Variants in FBXO11 observed in about 807,000 individuals in gnomAD.
The protein encoded by FBXO11 is F-box protein 11.
FBXO11 carries 13 observed loss-of-function variants against 117.0 expected under a neutral mutation model. The ratio of observed to expected loss-of-function variants is 0.11; its 90% confidence interval spans 0.07 to 0.18. The LOEUF is 0.18. Among genes scored for constraint, FBXO11 ranks in the 10% least tolerant of loss-of-function variants. The pLI, the probability that FBXO11 is intolerant of heterozygous loss-of-function variation, is 1.00. For missense variants in FBXO11, 767 were observed against 1,164.4 expected, an observed-to-expected ratio of 0.66 and a Z score of 4.97; for synonymous variants, 490 against 380.5, an observed-to-expected ratio of 1.29 and a Z score of -3.35.
Position 47,857,457 on chromosome 2 carries a change from T to C in FBXO11, c.233-17688A>G, listed in dbSNP as rs548349326. On this transcript the variant is annotated intron_variant, in intron 1 of 22. Transcript: ENST00000403359. ...GGTCTCATACAGACATACATATAGCTATACTATATATGCAACCAGATCATG... is the reference window on the plus strand; with the variant it reads ...GGTCTCATACAGACATACATATAGCCATACTATATATGCAACCAGATCATG... 2.0e-5 allele frequency among the ~76,000 whole-genome samples: 3 copies of C among 152,232 alleles called. No individual in the cohort carries two copies. The East Asian group carries it at 5.8e-4, about 29-fold the overall frequency.
intron 4 of FBXO11, among the ~76,000 whole-genome samples, chr2:47,838,291 C>G (rs575456188): frequency 6.6e-6 from 1 of 152,198 alleles, no homozygotes; most frequent in Admixed American, 6.5e-5. Flanking sequence ...TATCACAACT[C>G]TCCAAGTACA....
At chr2:47,848,149 A>C (rs1365271323) in intron 1 of FBXO11, among the ~76,000 whole-genome samples, 2 of 150,992 alleles carry the variant, frequency 1.3e-5, no homozygotes, top group Admixed American at 6.6e-5. Context: ...CAAACAAAAA[A>C]ACAACCAAAC....
intron 1 of FBXO11, among the ~76,000 whole-genome samples, chr2:47,874,709 A>G (rs1386232176): frequency 6.6e-6 from 1 of 151,924 alleles, no homozygotes; most frequent in Non-Finnish European, 1.5e-5. Context: ...TAATTTTTCT[A>G]TTTTTAGTAG....
At chr2:47,903,497 A>C (rs1678455885) in intron 1 of FBXO11, among the ~76,000 whole-genome samples, 1 of 152,216 alleles carries the variant, frequency 6.6e-6, no homozygotes, top group African/African-American at 2.4e-5. Flanking sequence ...ACCTTACCTC[A>C]CATAGAAATG....
In FBXO11 at chr2:47,832,805, T is replaced by C. The variant is rs144224179; in HGVS notation, c.1117A>G (p.Ile373Val). 2.4e-5 allele frequency: 38 copies of C among 1,613,740 alleles called. No homozygotes were observed. Among genetic ancestry groups the C allele is most frequent in the African/African-American group, 4.0e-5 (3 of 74,934 alleles). Residue 373 changes from isoleucine (I) to valine (V), a missense_variant, in exon 9 of 23, where the codon ATT becomes GTT. Ile to Val is a conservative substitution (Grantham distance 29). Transcript: ENST00000403359. ...CTTCGGATGATACAGTGATCAATAA[T>C]AGGGCTACAATTTACTGTAATCTCT... ...CLEITVNCSP[I>V]IDHCIIRSTC...
At chr2:47,821,772 G>C (rs990486502) in intron 13 of FBXO11, among the ~76,000 whole-genome samples, 32 of 152,092 alleles carry the variant, frequency 2.1e-4, no homozygotes, top group Non-Finnish European at 4.1e-4. Context: ...GCAACAGAGT[G>C]AGACTCTGTC....
intron 1 of FBXO11, among the ~76,000 whole-genome samples, chr2:47,844,211 C>CAA (rs1230054481): frequency 8.5e-5 from 13 of 152,148 alleles, no homozygotes; most frequent in Non-Finnish European, 1.5e-4. Flanking sequence ...TCACACTGAT[C>CAA]TATTACCTCA....
intron 1 of FBXO11, among the ~76,000 whole-genome samples, chr2:47,879,634 A>C (rs141586302): frequency 6.6e-6 from 1 of 152,218 alleles, no homozygotes; most frequent in South Asian, 2.1e-4. Context: ...TACTGCATGT[A>C]TATCAGGAAG....
intron 18 of FBXO11, chr2:47,810,809 G>A (rs1670559743): frequency 6.3e-6 from 1 of 157,640 alleles, no homozygotes. Context: ...AGGCAAGCAA[G>A]CCCTTATTTC....
chr2:47,847,750 C>A (rs1419142577), intron 1 of FBXO11, among the ~76,000 whole-genome samples: 1 of 151,468 alleles, frequency 6.6e-6, no homozygotes, highest in Non-Finnish European at 1.5e-5. Context: ...TTTGGGACCA[C>A]CATCATATAC....
intron 1 of FBXO11, among the ~76,000 whole-genome samples, chr2:47,890,705 T>A (rs752562665): frequency 3.5e-4 from 53 of 151,888 alleles, no homozygotes; most frequent in Non-Finnish European, 5.7e-4. Flanking sequence ...CTTGGGAGGC[T>A]GAGGCAGGAG....
intron 11 of FBXO11, among the ~76,000 whole-genome samples, chr2:47,828,781 G>C (rs370790051): frequency 6.6e-6 from 1 of 152,142 alleles, no homozygotes; most frequent in South Asian, 2.1e-4. Flanking sequence ...AGGGTGCTGG[G>C]AACTAACCAA....
intron 1 of FBXO11, among the ~76,000 whole-genome samples, chr2:47,842,175 C>A (rs1673064777): frequency 6.6e-6 from 1 of 150,912 alleles, no homozygotes; most frequent in East Asian, 2.0e-4. Flanking sequence ...GCCACTATGG[C>A]CAGCTAATTT....
chr2:47,887,861 A>G (rs1442108301), intron 1 of FBXO11, among the ~76,000 whole-genome samples: 1 of 152,040 alleles, frequency 6.6e-6, no homozygotes, highest in Non-Finnish European at 1.5e-5. Flanking sequence ...TGTCTCAAAA[A>G]AACCCATTAG....
chr2:47,877,752 T>C (rs1676116127), intron 1 of FBXO11, among the ~76,000 whole-genome samples: 1 of 152,222 alleles, frequency 6.6e-6, no homozygotes, highest in Non-Finnish European at 1.5e-5. Flanking sequence ...TGGTGCGATC[T>C]TGGCTCACTG....
chr2:47,872,954 A>G, intron 1 of FBXO11, among the ~76,000 whole-genome samples: 1 of 151,946 alleles, frequency 6.6e-6, no homozygotes, highest in East Asian at 1.9e-4. Context: ...TGATAGCTAT[A>G]ACCCACATTA....
chr2:47,817,237 A>T (rs925169058), intron 16 of FBXO11, among the ~76,000 whole-genome samples: 1 of 152,186 alleles, frequency 6.6e-6, no homozygotes, highest in Non-Finnish European at 1.5e-5. Context: ...TTTCTTCTGC[A>T]GCTTCTTCAC....
Position 47,905,765 on chromosome 2 carries a change from C to T in FBXO11, c.-45G>A, listed in dbSNP as rs1678763077. The T allele has an allele frequency of 1.3e-6, 2 of 1,499,386 alleles. No homozygotes were observed. The highest frequency in any genetic ancestry group is 2.9e-5 in the African/African-American group (2 of 68,466). The allele number at this position is 1,499,386 out of a possible 1,614,324, so 92.9% of individuals were successfully genotyped here. On this transcript the variant is annotated 5_prime_UTR_variant, in exon 1 of 23. Coordinates refer to ENST00000403359, the MANE Select transcript of FBXO11 (RefSeq NM_001190274.2). ...GCGTTGGCGGAGGGACACACACACG[C>T]ACACGCACAGCGAGCTTCGGGGCAG...
chr2:47,876,896 G>C (rs1239456065), intron 1 of FBXO11, among the ~76,000 whole-genome samples: 5 of 150,974 alleles, frequency 3.3e-5, no homozygotes, highest in East Asian at 1.9e-4. Context: ...ACTTAGGTTT[G>C]AATCTCTCGA....
Sources: allele counts gnomAD v4.1 joint callset (sites outside exome capture counted in the v4.1 genomes callset), GRCh38; gene constraint gnomAD v4.1.1; transcripts MANE v1.5; gene names NCBI Gene and HGNC (gene_info 2026-07-23, HGNC 2026-07-21).